Variants in CYP4Z1 observed in about 807,000 individuals in gnomAD.
CYP4Z1 encodes cytochrome P450 4Z1.
CYP4Z1 carries 41 observed loss-of-function variants against 54.2 expected under a neutral mutation model. That is an observed-to-expected ratio of 0.76 (90% CI 0.59 to 0.98). The LOEUF (loss-of-function observed/expected upper bound fraction) is 0.98. CYP4Z1 is among the 50% of genes least tolerant of loss of function. CYP4Z1 has a pLI of 0.00. For missense variants in CYP4Z1, 513 were observed against 599.0 expected (o/e 0.86, Z 1.50); for synonymous variants, 163 against 206.2 (o/e 0.79, Z 1.79).
intron 6 of CYP4Z1, among the ~76,000 whole-genome samples, chr1:47,085,844 TC>T (rs1260735930): frequency 2.4e-5 from 1 of 40,966 alleles, no homozygotes; most frequent in Non-Finnish European, 4.5e-5. Flanking sequence ...CCCACCCCCC[TC>T]CCCCCACCCC....
At chr1:47,056,379 A>T in the CYP4Z1 span, among the ~76,000 whole-genome samples, 2 of 152,218 alleles carry the variant, frequency 1.3e-5, no homozygotes, top group African/African-American at 4.8e-5. Flanking sequence ...TGTGGTGCTG[A>T]AAAGAATGTA....
the CYP4Z1 span, among the ~76,000 whole-genome samples, chr1:47,061,556 A>G: frequency 6.6e-6 from 1 of 152,162 alleles, no homozygotes. Context: ...TACCATCCCA[A>G]AGAAGCCCAG....
At chr1:47,072,977 C>G (rs1344707865) in intron 2 of CYP4Z1, among the ~76,000 whole-genome samples, 1 of 151,808 alleles carries the variant, frequency 6.6e-6, no homozygotes, top group African/African-American at 2.4e-5. Flanking sequence ...TTTTAAAGAT[C>G]CAATTCAGGG....
At chr1:47,061,220 CA>C in the CYP4Z1 span, among the ~76,000 whole-genome samples, 9 of 151,762 alleles carry the variant, frequency 5.9e-5, no homozygotes, top group African/African-American at 2.2e-4. Context: ...TGAAAGAAAT[CA>C]AAACACAGAA....
At chr1:47,104,796 G>T (rs1001010134) in intron 8 of CYP4Z1, among the ~76,000 whole-genome samples, 1 of 152,136 alleles carries the variant, frequency 6.6e-6, no homozygotes, top group African/African-American at 2.4e-5. Context: ...AGTAGTGTAT[G>T]CAGGTGCTGG....
At chr1:47,083,639 T>G (rs1432314393) in intron 4 of CYP4Z1, among the ~76,000 whole-genome samples, 2 of 152,158 alleles carry the variant, frequency 1.3e-5, no homozygotes, top group African/African-American at 4.8e-5. Flanking sequence ...CTACTAAAAA[T>G]ACATGATCAT....
intron 2 of CYP4Z1, 34 bp downstream of exon 2, chr1:47,068,797 G>A (rs1644471424): frequency 6.2e-7 from 1 of 1,604,568 alleles, no homozygotes; most frequent in Admixed American, 1.7e-5. Flanking sequence ...GTACAGAGCA[G>A]CAACAAAGAG....
intron 6 of CYP4Z1, among the ~76,000 whole-genome samples, chr1:47,090,339 G>A (rs1175639465): frequency 1.3e-5 from 2 of 152,172 alleles, no homozygotes; most frequent in African/African-American, 2.4e-5. Flanking sequence ...AGATATTACA[G>A]CAATTAGAAT....
At chr1:47,079,719 T>A (rs1442083652) in intron 2 of CYP4Z1, among the ~76,000 whole-genome samples, 1 of 152,234 alleles carries the variant, frequency 6.6e-6, no homozygotes, top group Non-Finnish European at 1.5e-5. Flanking sequence ...AATACACTTG[T>A]GCCTTTAAGT....
At chr1:47,074,453 C>A (rs1644504968) in intron 2 of CYP4Z1, among the ~76,000 whole-genome samples, 1 of 152,034 alleles carries the variant, frequency 6.6e-6, no homozygotes, top group Non-Finnish European at 1.5e-5. Context: ...ATGTCCTGCA[C>A]CTGCATCCAT....
chr1:47,095,565 TTA>T (rs1473842353), intron 7 of CYP4Z1, among the ~76,000 whole-genome samples: 1 of 152,232 alleles, frequency 6.6e-6, no homozygotes, highest in African/African-American at 2.4e-5. Flanking sequence ...TATTTTTATT[TTA>T]TTTTGTAGTT....
the CYP4Z1 span, among the ~76,000 whole-genome samples, chr1:47,057,374 A>ATG: frequency 3.5e-5 from 4 of 114,570 alleles, no homozygotes; most frequent in African/African-American, 9.8e-5. Flanking sequence ...ATATATATAT[A>ATG]TATGTATATT....
chr1:47,059,301 G>A, the CYP4Z1 span, among the ~76,000 whole-genome samples: 1 of 152,096 alleles, frequency 6.6e-6, no homozygotes, highest in Non-Finnish European at 1.5e-5. Context: ...AAAATAAGTT[G>A]CAGCTATAGA....
At chr1:47,076,660 ACAGTGAAACCC>A (rs1254721892) in intron 2 of CYP4Z1, among the ~76,000 whole-genome samples, 1 of 151,560 alleles carries the variant, frequency 6.6e-6, no homozygotes, top group Non-Finnish European at 1.5e-5. Context: ...CCTGGCTAAC[ACAGTGAAACCC>A]CGTCTCTACT....
At chr1:47,116,582 TTTTTG>T in intron 10 of CYP4Z1, 63 bp from the exon 11 acceptor site, 4 of 1,081,316 alleles carry the variant, frequency 3.7e-6, no homozygotes, top group Admixed American at 2.3e-5. Context: ...TTCGTTTTTG[TTTTTG>T]TTTTTGTTTT....
chr1:47,056,594 C>G, the CYP4Z1 span, among the ~76,000 whole-genome samples: 2 of 152,176 alleles, frequency 1.3e-5, no homozygotes, highest in African/African-American at 2.4e-5. Context: ...CTTTATGAAT[C>G]TGGGTGCTCC....
intron 9 of CYP4Z1, among the ~76,000 whole-genome samples, chr1:47,108,805 T>G (rs560450344): frequency 9.1e-4 from 139 of 152,208 alleles, no homozygotes; most frequent in African/African-American, 3.2e-3. Flanking sequence ...GATTGCTACA[T>G]TAATGAATGG....
At chr1:47,098,111 C>T (rs1429573489) in intron 7 of CYP4Z1, among the ~76,000 whole-genome samples, 1 of 152,106 alleles carries the variant, frequency 6.6e-6, no homozygotes, top group Non-Finnish European at 1.5e-5. Flanking sequence ...GCCGCTGCAC[C>T]CAGCCCCATA....
chr1:47,108,462 C>T (rs1309230191), intron 9 of CYP4Z1, among the ~76,000 whole-genome samples: 1 of 152,072 alleles, frequency 6.6e-6, no homozygotes, highest in Admixed American at 6.5e-5. Flanking sequence ...GCCTCATATC[C>T]GCCAGACCCA....
Sources: gnomAD v4.1 joint callset for allele counts (sites outside exome capture counted in the v4.1 genomes callset) on GRCh38, gnomAD v4.1.1 for gene constraint, MANE v1.5 for transcripts, NCBI Gene and HGNC (gene_info 2026-07-23, HGNC 2026-07-21) for gene names.